The following MPPED2 variants were observed in gnomAD, a reference collection of about 807,000 sequenced individuals.
MPPED2 encodes metallophosphoesterase domain containing 2.
In MPPED2, 5 loss-of-function variants were observed where a neutral mutation model predicts 33.0. The ratio of observed to expected loss-of-function variants is 0.15; its 90% CI spans 0.08 to 0.32. The LOEUF (loss-of-function observed/expected upper bound fraction) is 0.32, where lower values mean the gene tolerates loss of function less well. Ranked by LOEUF, MPPED2 falls within the 10% of genes least tolerant of loss-of-function variation. MPPED2 has a pLI of 1.00. For missense variants in MPPED2, 275 were observed against 372.1 expected (o/e 0.74, Z 2.15); for synonymous variants, 136 against 141.9 (o/e 0.96, Z 0.29).
At chr11:30,451,706 G>C in intron 4 of MPPED2, 1 of 970,580 alleles carries the variant, frequency 1.0e-6, no homozygotes, top group African/African-American at 1.8e-5. Flanking sequence ...AAACATTAGA[G>C]AAACTTTTGA....
intron 4 of MPPED2, among the ~76,000 whole-genome samples, chr11:30,458,028 A>G (rs1950354762): frequency 1.3e-5 from 2 of 152,244 alleles, no homozygotes; most frequent in South Asian, 4.1e-4. Context: ...TTCATGCCAC[A>G]GTGCAAGGAG....
chr11:30,414,473 A>C, intron 5 of MPPED2, 132 bp from the exon 6 acceptor site: 17 of 528,024 alleles, frequency 3.2e-5, no homozygotes, highest in East Asian at 5.7e-5. Context: ...ATTAAAGCTC[A>C]CAATGGCTTT....
chr11:30,556,036 C>T (rs572498848), intron 2 of MPPED2, among the ~76,000 whole-genome samples: 68 of 152,260 alleles, frequency 4.5e-4, no homozygotes, highest in Non-Finnish European at 8.5e-4. Flanking sequence ...AGTTAATAGC[C>T]TTGAGTGTTC....
intron 2 of MPPED2, among the ~76,000 whole-genome samples, chr11:30,572,087 T>C (rs1046583750): frequency 2.6e-5 from 4 of 152,146 alleles, no homozygotes; most frequent in African/African-American, 9.7e-5. Flanking sequence ...TCGTTCTTTA[T>C]CCCTACAAAT....
intron 4 of MPPED2, 198 bp downstream of exon 4, chr11:30,495,098 T>C (rs1465705699): frequency 6.8e-6 from 4 of 588,506 alleles, no homozygotes; most frequent in Non-Finnish European, 1.2e-5. Flanking sequence ...CTATTGATCT[T>C]GCCTAAAGGG....
At chr11:30,451,090 C>T (rs879571066) in intron 4 of MPPED2, among the ~76,000 whole-genome samples, 3 of 152,164 alleles carry the variant, frequency 2.0e-5, no homozygotes, top group Non-Finnish European at 2.9e-5. Context: ...CTAGCGTCAC[C>T]CCTAACTAGC....
exon 7 of MPPED2, chr11:30,385,954 T>A (rs977575918): frequency 3.9e-5 from 6 of 152,212 alleles, no homozygotes; most frequent in East Asian, 1.9e-4. Flanking sequence ...TGAGTTTTTT[T>A]AACTTATTTT....
intron 5 of MPPED2, among the ~76,000 whole-genome samples, chr11:30,415,590 T>TTTAGCA (rs1948313316): frequency 6.6e-6 from 1 of 152,096 alleles, no homozygotes; most frequent in Non-Finnish European, 1.5e-5. Context: ...TTAACTAAGG[T>TTTAGCA]TTAACAATAC....
chr11:30,458,403 C>G (rs185750451), intron 4 of MPPED2, among the ~76,000 whole-genome samples: 10 of 152,260 alleles, frequency 6.6e-5, no homozygotes, highest in African/African-American at 1.9e-4. Context: ...CACATCAACC[C>G]TCATTCTATA....
intron 4 of MPPED2, among the ~76,000 whole-genome samples, chr11:30,482,412 G>A (rs924588303): frequency 6.6e-6 from 1 of 152,160 alleles, no homozygotes; most frequent in East Asian, 1.9e-4. Flanking sequence ...ATGTAAGAAT[G>A]CTTTTACTGG....
chr11:30,533,713 C>G (rs937439635), intron 3 of MPPED2, among the ~76,000 whole-genome samples: 1 of 152,112 alleles, frequency 6.6e-6, no homozygotes, highest in Non-Finnish European at 1.5e-5. Flanking sequence ...TCCCAGGGCT[C>G]CCTTCGATCT....
At chr11:30,531,872 G>A (rs1954545278) in intron 3 of MPPED2, among the ~76,000 whole-genome samples, 1 of 152,212 alleles carries the variant, frequency 6.6e-6, no homozygotes, top group Non-Finnish European at 1.5e-5. Flanking sequence ...TGTGTTAAAA[G>A]GAGGCAGTTA....
intron 4 of MPPED2, among the ~76,000 whole-genome samples, chr11:30,427,554 T>A (rs1404303139): frequency 6.6e-6 from 1 of 152,202 alleles, no homozygotes; most frequent in Non-Finnish European, 1.5e-5. Context: ...GGCTCACTAC[T>A]GTGTCCCCAT....
At chr11:30,551,684 C>T (rs1283524675) in intron 2 of MPPED2, among the ~76,000 whole-genome samples, 1 of 152,086 alleles carries the variant, frequency 6.6e-6, no homozygotes, top group Non-Finnish European at 1.5e-5. Context: ...ATATAAATTC[C>T]TGCATGAAGT....
chr11:30,399,162 C>CT lies in MPPED2; in HGVS notation c.767-10207dup, dbSNP rs11331183. On this transcript the variant is annotated intron_variant, in intron 6 of 6. Coordinates refer to the MPPED2 transcript ENST00000448418. ...GGAAACATTAAAAAAAGATCCAATA[C>CT]TTTTTTTTTTAATAAACAACATTGT... Among the ~76,000 whole-genome samples the CT allele has an allele frequency of 1.1e-4, 17 of 150,896 alleles. 1 individual carries two copies. In the South Asian group the frequency reaches 2.1e-3, roughly 19 times the overall value.
intron 2 of MPPED2, among the ~76,000 whole-genome samples, chr11:30,543,063 TCTC>T (rs1053486368): frequency 1.3e-5 from 2 of 151,926 alleles, no homozygotes; most frequent in African/African-American, 4.8e-5. Flanking sequence ...AGTAATGACT[TCTC>T]CTAAACTAAA....
At chr11:30,491,312 A>T (rs924351250) in intron 4 of MPPED2, among the ~76,000 whole-genome samples, 2 of 152,228 alleles carry the variant, frequency 1.3e-5, no homozygotes, top group Non-Finnish European at 2.9e-5. Context: ...TGGGTGGCAT[A>T]TGAGAGAAAC....
chr11:30,496,365 G>A (rs1031909287), intron 3 of MPPED2, among the ~76,000 whole-genome samples: 92 of 152,284 alleles, frequency 6.0e-4, no homozygotes, highest in African/African-American at 1.9e-3. Context: ...CTATAAGAAC[G>A]AAAATCCAAA....
intron 3 of MPPED2, among the ~76,000 whole-genome samples, chr11:30,505,212 A>C (rs1014511957): frequency 8.5e-5 from 13 of 152,338 alleles, no homozygotes; most frequent in Middle Eastern, 6.8e-3. Flanking sequence ...ATTGCTGCTC[A>C]GCAACTCCTT....
Sources: gnomAD v4.1 joint callset for allele counts (sites outside exome capture counted in the v4.1 genomes callset) on GRCh38, gnomAD v4.1.1 for gene constraint, MANE v1.5 for transcripts, NCBI Gene and HGNC (gene_info 2026-07-23, HGNC 2026-07-21) for gene names.